The following VAV2 variants were observed in gnomAD, a reference collection of about 807,000 sequenced individuals.
The protein encoded by VAV2 is vav guanine nucleotide exchange factor 2.
A neutral mutation model predicts 132.5 loss-of-function variants in VAV2; 67 were observed. That is an observed-to-expected ratio of 0.51 (90% CI 0.42 to 0.62). The LOEUF is 0.62. VAV2 is among the 20% of genes least tolerant of loss of function. VAV2 has a pLI of 0.00. For missense variants in VAV2, 938 were observed against 1,153.6 expected (o/e 0.81, Z 2.71); for synonymous variants, 492 against 443.5 (o/e 1.11, Z -1.37).
chr9:133,973,206 A>G (rs1450490774), intron 1 of VAV2, among the ~76,000 whole-genome samples: 3 of 152,114 alleles, frequency 2.0e-5, no homozygotes, highest in Admixed American at 2.0e-4. Flanking sequence ...CCTCAATGCC[A>G]CCATCTGTCT....
At chr9:133,785,909 CTTGCAATAGACA>C (rs760450234) in intron 16 of VAV2, 24 bp from the exon 17 acceptor site, 18 of 1,601,070 alleles carry the variant, frequency 1.1e-5, no homozygotes, top group Middle Eastern at 3.4e-4. Flanking sequence ...AGGGGCCATG[CTTGCAATAGACA>C]CGGCTTCAGA....
intron 3 of VAV2, among the ~76,000 whole-genome samples, chr9:133,853,092 G>A (rs975252408): frequency 3.9e-5 from 6 of 152,222 alleles, no homozygotes; most frequent in East Asian, 1.9e-4. Context: ...CCAGCCACTC[G>A]GCTGTCAGGT....
chr9:133,953,955 C>T (rs756868906), intron 1 of VAV2, among the ~76,000 whole-genome samples: 4 of 152,186 alleles, frequency 2.6e-5, no homozygotes, highest in Non-Finnish European at 5.9e-5. Flanking sequence ...TGACAGGCAG[C>T]GCCTCCCACC....
Position 133,940,679 on chromosome 9 carries a change from G to GTGTGTGTGTC in VAV2, c.205-1461_205-1460insGACACACACA, listed in dbSNP as rs1841110078. Among the ~76,000 whole-genome samples, 3 of 58,498 alleles carry GTGTGTGTGTC rather than the reference G, an allele frequency of 5.1e-5. No homozygotes were observed. In the South Asian group the frequency reaches 2.3e-3, roughly 45 times the overall value. 38.4% of individuals were successfully genotyped at this position (58,498 alleles called of 152,430 possible). A position where few individuals can be genotyped will look rare whatever the true frequency, so the allele number is the denominator to read the frequency against. ...TCCCTCTCTGTCCACGTGCGTGTGTGTGTGTGTGTGTGTGTGTGTGTGTGT... is the reference window on the plus strand; with the variant it reads ...TCCCTCTCTGTCCACGTGCGTGTGTGTGTGTGTGTCTGTGTGTGTGTGTGTGTGTGTGTGT... On this transcript the variant is annotated intron_variant, in intron 1 of 29. Transcript: ENST00000371850.
At chr9:133,780,663 C>A in intron 20 of VAV2, 31 bp downstream of exon 20, 3 of 1,284,368 alleles carry the variant, frequency 2.3e-6, no homozygotes, top group Non-Finnish European at 3.0e-6. Flanking sequence ...GGGGGTGGGG[C>A]AGAGGGAGGG....
At chr9:133,914,080 C>T (rs1014945279) in intron 2 of VAV2, among the ~76,000 whole-genome samples, 2 of 152,220 alleles carry the variant, frequency 1.3e-5, no homozygotes, top group Admixed American at 1.3e-4. Flanking sequence ...CCCCTGAGAC[C>T]CTAAGCCCCA....
intron 3 of VAV2, among the ~76,000 whole-genome samples, chr9:133,838,840 T>G (rs1319685494): frequency 2.1e-5 from 2 of 97,284 alleles, no homozygotes; most frequent in Non-Finnish European, 3.9e-5. Context: ...AGTGGGTTGG[T>G]GGATGGATGA....
chr9:133,910,839 A>AAG (rs1554806991), intron 2 of VAV2, among the ~76,000 whole-genome samples: 7 of 142,156 alleles, frequency 4.9e-5, no homozygotes, highest in Non-Finnish European at 9.4e-5. Flanking sequence ...AAAAAAAAAG[A>AAG]AAAAGAAAAA....
At chr9:133,987,559 G>A (rs1842895523) in intron 1 of VAV2, among the ~76,000 whole-genome samples, 1 of 152,268 alleles carries the variant, frequency 6.6e-6, no homozygotes, top group Non-Finnish European at 1.5e-5. Context: ...AGGGAGTTGA[G>A]GTGGAGGTGG....
intron 9 of VAV2, among the ~76,000 whole-genome samples, chr9:133,803,381 C>A (rs1210417268): frequency 6.6e-6 from 1 of 152,048 alleles, no homozygotes; most frequent in Non-Finnish European, 1.5e-5. Flanking sequence ...CCCACGTCCC[C>A]GTATGCCCCC....
intron 1 of VAV2, among the ~76,000 whole-genome samples, chr9:133,974,241 G>A (rs192384981): frequency 2.3e-4 from 35 of 152,286 alleles, no homozygotes; most frequent in Admixed American, 2.0e-3. Context: ...AGCCAGGCAC[G>A]GGGTAGCGGT....
At position 133,840,506 on chromosome 9, in the gene VAV2, C is replaced by A. The variant is rs946607675; in HGVS notation, c.381-6166G>T. On this transcript the variant is annotated intron_variant, in intron 3 of 29. Transcript: ENST00000371850. The surrounding 1 kb of genome is among the most constrained non-coding windows in gnomAD (Gnocchi z 4.5). ...CCCATGAGCTCAATTCTGGGCAGGA[C>A]AATCACAGTCCCAGTGCTACAGCCA... Among the ~76,000 whole-genome samples the A allele has an allele frequency of 1.3e-5, 2 of 152,158 alleles. No individual in the cohort carries two copies. Among genetic ancestry groups the A allele is most frequent in the Non-Finnish European group, 2.9e-5 (2 of 68,036 alleles).
chr9:133,862,592 G>C (rs1383290072), intron 2 of VAV2, among the ~76,000 whole-genome samples: 1 of 152,232 alleles, frequency 6.6e-6, no homozygotes, highest in Non-Finnish European at 1.5e-5. Context: ...GTGTACGTGT[G>C]TGTCTGGGGG....
At chr9:133,820,323 C>CTTTTT (rs1410223095) in intron 4 of VAV2, among the ~76,000 whole-genome samples, 5 of 149,080 alleles carry the variant, frequency 3.4e-5, no homozygotes, top group Admixed American at 6.7e-5. Context: ...GTTTCTTTTT[C>CTTTTT]TTTTTCTTTT....
At chr9:133,858,203 T>C (rs1837458058) in intron 3 of VAV2, among the ~76,000 whole-genome samples, 1 of 152,208 alleles carries the variant, frequency 6.6e-6, no homozygotes, top group African/African-American at 2.4e-5. Flanking sequence ...ACGCAGCGTA[T>C]GCTCACAATG....
In VAV2 at chr9:133,795,729, A is replaced by G; in HGVS notation, c.1040T>C (p.Leu347Pro). 6.2e-7 allele frequency: 1 copy of G among 1,613,976 alleles called. No homozygotes were observed. Among genetic ancestry groups the G allele is most frequent in the South Asian group, 1.1e-5 (1 of 91,074 alleles). Residue 347 changes from leucine (L) to proline (P), a missense_variant, in exon 12 of 30, where the codon CTG (leucine) becomes CCG (proline). Coordinates refer to ENST00000371850, the MANE Select transcript of VAV2 (RefSeq NM_001134398.2). Reference protein sequence around the residue: ...LKYHLLLKELLSHSAERPERQ... With the variant: ...LKYHLLLKELPSHSAERPERQ... ...CTCAGGCCGTTCCGCAGAATGGCTC[A>G]GAAGCTCCTGGAAGGGTGAGAAGAG...
intron 9 of VAV2, among the ~76,000 whole-genome samples, chr9:133,799,943 C>T (rs370439439): frequency 3.9e-5 from 6 of 152,270 alleles, no homozygotes; most frequent in African/African-American, 1.4e-4. Context: ...GTGTTTTCTC[C>T]ACCCTGAGAG....
rs373151538 is a variant in VAV2, at chr9:133,777,314, C to T, written c.1965+75G>A. 6.0e-5 allele frequency: 90 copies of T among 1,496,898 alleles called. 4 individuals carry two copies. Among genetic ancestry groups the T allele is most frequent in the African/African-American group, 5.3e-4 (38 of 72,036 alleles). The allele number at this position is 1,496,898 out of a possible 1,614,324, so 92.7% of individuals were successfully genotyped here. On this transcript the variant is annotated intron_variant, in intron 23 of 29. Coordinates refer to ENST00000371850, the MANE Select transcript of VAV2 (RefSeq NM_001134398.2). ...GTCCTGAACAAGCCAAAAATGTCCA[C>T]GTGAGGAGGCAGCTCCCAGAACCCT...
rs563609387 is a variant in VAV2, at chr9:133,896,066, G to A, written c.322-34634C>T. ...CAAAGGTCTCTGGTTTTCCTAGGCA[G>A]AGGACCCTGCGGCCTTCCGCAGTGT... On this transcript the variant is annotated intron_variant, in intron 2 of 29. Transcript: ENST00000371850. 2.6e-3 allele frequency among the ~76,000 whole-genome samples: 225 copies of A among 85,134 alleles called. 41 individuals are homozygous for A. The highest frequency in any genetic ancestry group is 4.4e-3 in the Non-Finnish European group (180 of 40,542). The allele number at this position is 85,134 out of a possible 152,430, so 55.9% of individuals were successfully genotyped here.
Sources: allele counts gnomAD v4.1 joint callset (sites outside exome capture counted in the v4.1 genomes callset), GRCh38; gene constraint gnomAD v4.1.1; non-coding constraint Gnocchi (gnomAD v3.1); transcripts MANE v1.5; gene names NCBI Gene and HGNC (gene_info 2026-07-23, HGNC 2026-07-21).